The following CMTM1 variants were observed in gnomAD, a reference collection of about 807,000 sequenced individuals.
The protein encoded by CMTM1 is CKLF-like MARVEL transmembrane domain-containing protein 1.
Under a neutral mutation model 17.8 loss-of-function variants are expected in CMTM1, and 16 were observed. The observed-to-expected ratio is 0.90, with a 90% CI of 0.61 to 1.37. The LOEUF is 1.37. Ranked by LOEUF, CMTM1 falls within the 40% of genes most tolerant of loss-of-function variation. The pLI is 0.00. For missense variants in CMTM1, 354 were observed against 375.6 expected (o/e 0.94, Z 0.47); for synonymous variants, 169 against 154.6 (o/e 1.09, Z -0.69).
rs771748780 is a variant in CMTM1 at position 66,566,839 on chromosome 16, C to T, written c.326C>T (p.Ala109Val). The change falls in exon 1 of 4, where the codon GCG (alanine) becomes GTG (valine). Residue 109 changes from alanine (A) to valine (V), a missense_variant. By Grantham distance (64) the Ala-to-Val change is moderately conservative. Coordinates refer to ENST00000379500, the MANE Select transcript of CMTM1 (RefSeq NM_052999.4). The surrounding 1 kb of genome is among the most constrained non-coding windows in gnomAD (Gnocchi z 4.9). ...HTESKLLNEMAIKERVEGRAK... is the reference protein window; with the variant it reads ...HTESKLLNEMVIKERVEGRAK... ...GAATCCAAACTCTTAAATGAGATGG[C>T]GATCAAAGAGCGCGTGGAGGGCCGA... The T allele has an allele frequency of 6.2e-7, 1 of 1,614,034 alleles. No homozygotes were observed. The highest frequency in any genetic ancestry group is 8.5e-7 in the Non-Finnish European group (1 of 1,179,992).
rs773683378 is a variant in CMTM1 at position 66,566,768 on chromosome 16, ACCCCCAAAGCCCACACTCCCAC to A, written c.262_283del (p.Lys88ArgfsTer11). On this transcript the variant is annotated frameshift_variant, in exon 1 of 4. Coordinates refer to ENST00000379500, the MANE Select transcript of CMTM1 (RefSeq NM_052999.4). LOFTEE classifies it high-confidence loss of function. This position sits in a 1 kb window ranked among gnomAD's most constrained non-coding sequence, Gnocchi z 4.9. ...CCTCAAGGAAAGCCACCACACGCCC[ACCCCCAAAGCCCACACTCCCAC>A]CCCCCACGCCCTCTGCACACACTGA... The A allele has an allele frequency of 2.4e-5, 39 of 1,612,466 alleles. No individual in the cohort carries two copies. The highest frequency in any genetic ancestry group is 3.1e-5 in the Non-Finnish European group (37 of 1,179,548).
chr16:66,568,010 C>G (rs2012850289), intron 1 of CMTM1, among the ~76,000 whole-genome samples: 1 of 152,212 alleles, frequency 6.6e-6, no homozygotes, highest in Non-Finnish European at 1.5e-5. Context: ...TTAACTCTTT[C>G]AAGCCTTCAT....
chr16:66,570,996 G>A (rs2013436591), intron 2 of CMTM1: 2 of 379,254 alleles, frequency 5.3e-6, no homozygotes, highest in African/African-American at 4.2e-5. Context: ...CAGAGCTTAG[G>A]CCTCTTCCAC....
chr16:66,577,594 A>T (rs1407936507), intron 3 of CMTM1, among the ~76,000 whole-genome samples: 1 of 152,212 alleles, frequency 6.6e-6, no homozygotes, highest in Non-Finnish European at 1.5e-5. Context: ...TGAGGAATCC[A>T]GCCTATTCAG....
At chr16:66,578,079 G>T (rs2014469924) in intron 3 of CMTM1, among the ~76,000 whole-genome samples, 1 of 152,136 alleles carries the variant, frequency 6.6e-6, no homozygotes, top group Admixed American at 6.5e-5. Context: ...ACCATAAAGA[G>T]AAACATCCAA....
At chr16:66,575,137 A>C (rs1381366516) in intron 2 of CMTM1, 61 of 985,358 alleles carry the variant, frequency 6.2e-5, no homozygotes, top group Non-Finnish European at 7.2e-5. Flanking sequence ...CCAAGAGGCA[A>C]GTCACATTCC....
At position 66,566,674 on chromosome 16, in the gene CMTM1, CCG is replaced by C. The variant is rs772404836; in HGVS notation, c.163_164del (p.Ala55SerfsTer18). 4.8e-5 allele frequency: 78 copies of C among 1,613,970 alleles called. No individual in the cohort carries two copies. The highest frequency in any genetic ancestry group is 2.5e-4 in the Admixed American group (15 of 60,000). On this transcript the variant is annotated frameshift_variant, in exon 1 of 4. Coordinates refer to ENST00000379500, the MANE Select transcript of CMTM1 (RefSeq NM_052999.4). LOFTEE classifies it high-confidence loss of function. This position sits in a 1 kb window ranked among gnomAD's most constrained non-coding sequence, Gnocchi z 4.9. ...GCGAAGACCGCACCCCGGAAGCACCCCGCAGTCTCAATTCGCAGTGCGCAGTC... is the reference window on the plus strand; with the variant it reads ...GCGAAGACCGCACCCCGGAAGCACCCCAGTCTCAATTCGCAGTGCGCAGTC...
At position 66,569,957 on chromosome 16, in the gene CMTM1, G is replaced by C. The variant is rs572608128; in HGVS notation, c.454G>C (p.Ala152Pro). The C allele has an allele frequency of 8.1e-6, 13 of 1,608,656 alleles. No individual in the cohort carries two copies. Among genetic ancestry groups the C allele is most frequent in the Non-Finnish European group, 1.0e-5 (12 of 1,178,480 alleles). The stretch of plus-strand genomic sequence containing the variant: ...GCAGAGTCTTATCTTAGGAGCATTA[G>C]CTTGTTTCATCATCACCCAAGCCAA... ...LRLSLILGAL[A>P]CFIITQANES... Residue 152 changes from alanine to proline, a missense_variant, in exon 2 of 4, where the codon GCT becomes CCT. By Grantham distance (27) the Ala-to-Pro change is conservative. Coordinates refer to ENST00000379500, the MANE Select transcript of CMTM1 (RefSeq NM_052999.4).
chr16:66,577,203 G>C lies in CMTM1; in HGVS notation c.690+1G>C, dbSNP rs1334312673. 1 of 1,610,514 alleles carries C rather than the reference G, an allele frequency of 6.2e-7. No individual in the cohort carries two copies. The highest frequency in any genetic ancestry group is 8.5e-7 in the Non-Finnish European group (1 of 1,177,266). On this transcript the variant is annotated splice_donor_variant, in intron 3 of 3. Coordinates refer to ENST00000379500, the MANE Select transcript of CMTM1 (RefSeq NM_052999.4). LOFTEE classifies it high-confidence loss of function. ...AAGGCATTTACTCTATGTCGGGGGGGTAAGTAGAGGCCTTCATGACTCCAT... is the reference window on the plus strand; with the variant it reads ...AAGGCATTTACTCTATGTCGGGGGGCTAAGTAGAGGCCTTCATGACTCCAT...
rs8058533 is a variant in CMTM1, at chr16:66,568,136, A to G, written c.432+1191A>G. On this transcript the variant is annotated intron_variant, in intron 1 of 3. Transcript: ENST00000379500. ...CTGATAGGAAAACTTGACTGAGTTCAGAAAAAGAAAACGAAGTAGAGATCT... is the reference window on the plus strand; with the variant it reads ...CTGATAGGAAAACTTGACTGAGTTCGGAAAAAGAAAACGAAGTAGAGATCT... Among the ~76,000 whole-genome samples the G allele has an allele frequency of 7.0e-4, 107 of 152,356 alleles. 1 individual carries two copies. Among genetic ancestry groups the G allele is most frequent in the African/African-American group, 2.5e-3 (103 of 41,588 alleles).
rs376558643 is a variant in CMTM1 at position 66,566,911 on chromosome 16, T to C, written c.398T>C (p.Phe133Ser). 111 of 1,613,932 alleles carry C rather than the reference T, an allele frequency of 6.9e-5. No homozygotes were observed. In the South Asian group the frequency reaches 8.0e-4, roughly 12 times the overall value. ...AGGGACAGCCTCAAACGTTTCTCCT[T>C]CTCGCCCACTGGAATGTTGAAGATC... ...KFRDSLKRFS[F>S]SPTGMLKILR... Residue 133 changes from phenylalanine to serine, a missense_variant, in exon 1 of 4, where the codon TTC becomes TCC. Physicochemically the swap from Phe to Ser is radical, Grantham distance 155. Coordinates refer to ENST00000379500, the MANE Select transcript of CMTM1 (RefSeq NM_052999.4). This position sits in a 1 kb window ranked among gnomAD's most constrained non-coding sequence, Gnocchi z 4.9.
rs772614219 is a variant in CMTM1, at chr16:66,566,992, G to A, written c.432+47G>A. On this transcript the variant is annotated intron_variant, in intron 1 of 3. Transcript: ENST00000379500. The surrounding 1 kb of genome is among the most constrained non-coding windows in gnomAD (Gnocchi z 4.9). ...CCTAGCTGGGCGGATGTGGCCGGCA[G>A]TGGCCTCGGGGAAATGCCCACGGGG... 2.7e-5 allele frequency: 43 copies of A among 1,600,552 alleles called. No homozygotes were observed. Among genetic ancestry groups the A allele is most frequent in the Non-Finnish European group, 3.7e-5 (43 of 1,168,666 alleles).
chr16:66,576,689 T>G (rs2014289750), intron 2 of CMTM1, among the ~76,000 whole-genome samples: 1 of 152,168 alleles, frequency 6.6e-6, no homozygotes, highest in South Asian at 2.1e-4. Flanking sequence ...ATTTTTATAT[T>G]AAAACAAATG....
chr16:66,576,837 G>A (rs897990526), intron 2 of CMTM1, among the ~76,000 whole-genome samples: 6 of 152,108 alleles, frequency 3.9e-5, no homozygotes, highest in Admixed American at 3.3e-4. Flanking sequence ...TCCCTTTAAG[G>A]AAAAAGTTGT....
intron 2 of CMTM1, among the ~76,000 whole-genome samples, chr16:66,576,395 T>C (rs867623754): frequency 4.0e-5 from 6 of 149,678 alleles, no homozygotes; most frequent in Admixed American, 6.6e-5. Context: ...CGAAACTCTG[T>C]CTCAAAAAAA....
At chr16:66,576,371 C>T (rs1473599538) in intron 2 of CMTM1, among the ~76,000 whole-genome samples, 1 of 151,644 alleles carries the variant, frequency 6.6e-6, no homozygotes, top group African/African-American at 2.4e-5. Context: ...GCACTCTAGC[C>T]TGGGTGACAA....
chr16:66,566,670 C>G lies in CMTM1; in HGVS notation c.157C>G (p.His53Asp), dbSNP rs780880626. 6.2e-7 allele frequency: 1 copy of G among 1,614,134 alleles called. No individual in the cohort carries two copies. Among genetic ancestry groups the G allele is most frequent in the South Asian group, 1.1e-5 (1 of 91,080 alleles). ...CTCAGCGAAGACCGCACCCCGGAAGCACCCCGCAGTCTCAATTCGCAGTGC... is the reference window on the plus strand; with the variant it reads ...CTCAGCGAAGACCGCACCCCGGAAGGACCCCGCAGTCTCAATTCGCAGTGC... Reference protein sequence around the residue: ...NISAKTAPRKHPAVSIRSAQS... With the variant: ...NISAKTAPRKDPAVSIRSAQS... The change falls in exon 1 of 4, where the codon CAC becomes GAC. Residue 53 changes from histidine (H) to aspartate (D), a missense_variant. Transcript: ENST00000379500. The surrounding 1 kb of genome is among the most constrained non-coding windows in gnomAD (Gnocchi z 4.9).
chr16:66,574,820 T>G (rs1257889561), intron 2 of CMTM1: 1 of 294,768 alleles, frequency 3.4e-6, no homozygotes, highest in African/African-American at 2.3e-5. Flanking sequence ...TATAGATATT[T>G]TGGCCAACAG....
intron 1 of CMTM1, 40 bp from the exon 2 acceptor site, chr16:66,569,896 A>C (rs768459066): frequency 6.7e-7 from 1 of 1,489,908 alleles, no homozygotes; most frequent in Non-Finnish European, 9.1e-7. Context: ...AGATTTTTTT[A>C]AATCATGCAT....
Sources: gnomAD v4.1 joint callset for allele counts (sites outside exome capture counted in the v4.1 genomes callset) on GRCh38, gnomAD v4.1.1 for gene constraint, Gnocchi (gnomAD v3.1) non-coding constraint, MANE v1.5 for transcripts, NCBI Gene and HGNC (gene_info 2026-07-23, HGNC 2026-07-21) for gene names.